GPM6A: variants seen among roughly 807,000 people sequenced by gnomAD.
The protein encoded by GPM6A is glycoprotein M6A.
A neutral mutation model predicts 32.1 loss-of-function variants in GPM6A; 7 were observed. The observed-to-expected ratio is 0.22, with a 90% CI of 0.12 to 0.41. The LOEUF is 0.41. GPM6A is among the 10% of genes least tolerant of loss of function. The pLI is 1.00. For missense variants in GPM6A, 235 were observed against 347.2 expected (o/e 0.68, Z 2.57); for synonymous variants, 130 against 123.4 (o/e 1.05, Z -0.35).
intron 1 of GPM6A, among the ~76,000 whole-genome samples, chr4:175,817,645 A>G (rs78005134): frequency 7.8e-6 from 1 of 129,006 alleles, no homozygotes; most frequent in South Asian, 2.7e-4. Context: ...ATTAGATGGG[A>G]AAAAAGGGGG....
intron 1 of GPM6A, among the ~76,000 whole-genome samples, chr4:175,734,570 A>T (rs1457109987): frequency 6.6e-6 from 1 of 151,690 alleles, no homozygotes; most frequent in Non-Finnish European, 1.5e-5. Context: ...TACTTTTTAA[A>T]AAAAAAAAAT....
At chr4:175,863,761 G>C (rs1328432718) in intron 1 of GPM6A, among the ~76,000 whole-genome samples, 1 of 152,084 alleles carries the variant, frequency 6.6e-6, no homozygotes, top group Non-Finnish European at 1.5e-5. Context: ...CAATACTTTG[G>C]GATGCCGAGG....
chr4:175,747,617 T>C (rs1178832032), intron 1 of GPM6A, among the ~76,000 whole-genome samples: 3 of 152,198 alleles, frequency 2.0e-5, no homozygotes, highest in Non-Finnish European at 4.4e-5. Context: ...GTATATACTT[T>C]AATTTAAAAA....
intron 1 of GPM6A, among the ~76,000 whole-genome samples, chr4:175,765,904 C>T (rs1203948390): frequency 6.6e-6 from 1 of 152,150 alleles, no homozygotes; most frequent in Non-Finnish European, 1.5e-5. Context: ...ACACACCTAA[C>T]CATTCTCCGT....
At position 175,938,737 on chromosome 4, in the gene GPM6A, C is replaced by CA. The variant is rs3034711; in HGVS notation, c.-23+63571dup. 2.2e-3 allele frequency among the ~76,000 whole-genome samples: 297 copies of CA among 133,970 alleles called. 2 individuals are homozygous for CA. The highest frequency in any genetic ancestry group is 7.3e-3 in the Middle Eastern group (2 of 274). The allele number at this position is 133,970 out of a possible 152,430, so 87.9% of individuals were successfully genotyped here. A position where few individuals can be genotyped will look rare whatever the true frequency, so the allele number is the denominator to read the frequency against. ...AATAAAAATTTTTTTAAAGTAAAAC[C>CA]AAAAAAAAAAAAGAAATGACAAATA... On this transcript the variant is annotated intron_variant, in intron 1 of 7. Coordinates refer to the GPM6A transcript ENST00000280187.
intron 1 of GPM6A, among the ~76,000 whole-genome samples, chr4:175,859,604 A>C (rs913328258): frequency 7.2e-5 from 11 of 152,186 alleles, no homozygotes; most frequent in African/African-American, 2.7e-4. Flanking sequence ...ATGCTACAGA[A>C]GCAAGAGCCA....
chr4:175,887,321 C>T (rs534024242), intron 1 of GPM6A, among the ~76,000 whole-genome samples: 10 of 151,822 alleles, frequency 6.6e-5, no homozygotes, highest in East Asian at 1.9e-4. Context: ...TTCTAAATCA[C>T]GTGTGGGTTA....
chr4:175,703,581 T>C (rs1744999187), intron 1 of GPM6A, among the ~76,000 whole-genome samples: 3 of 152,244 alleles, frequency 2.0e-5, no homozygotes, highest in Admixed American at 1.3e-4. Context: ...CTTTTACTTA[T>C]TAAAACACAG....
At chr4:175,767,783 A>C (rs1733031582) in intron 1 of GPM6A, among the ~76,000 whole-genome samples, 1 of 152,240 alleles carries the variant, frequency 6.6e-6, no homozygotes. Flanking sequence ...ATTGTCACCC[A>C]TGAATTCAGA....
At chr4:175,721,038 T>TATTATATTATATATGTACTAGTAC (rs1746092613) in intron 1 of GPM6A, among the ~76,000 whole-genome samples, 1 of 126,392 alleles carries the variant, frequency 7.9e-6, no homozygotes, top group East Asian at 2.2e-4. Context: ...AGTACATATA[T>TATTATATTATATATGTACTAGTAC]ATTATATATA....
chr4:175,934,075 C>T lies in GPM6A; in HGVS notation c.-23+68234G>A, dbSNP rs550336978. On this transcript the variant is annotated intron_variant, in intron 1 of 7. Transcript: ENST00000280187. ...ATATTAAATTCTACAGCAGGCAAAA[C>T]CAATCTGTAGTTGAGGGTTGGGGTG... Among the ~76,000 whole-genome samples, 148 of 152,248 alleles carry T rather than the reference C, an allele frequency of 9.7e-4. 3 individuals carry two copies. In the South Asian group the frequency reaches 0.03, roughly 31 times the overall value.
intron 1 of GPM6A, among the ~76,000 whole-genome samples, chr4:175,909,805 G>A (rs1174650187): frequency 6.6e-6 from 1 of 151,972 alleles, no homozygotes; most frequent in Non-Finnish European, 1.5e-5. Flanking sequence ...GAACAAAACA[G>A]GTTAAACAAC....
At chr4:175,831,092 T>C (rs1735597800) in intron 1 of GPM6A, among the ~76,000 whole-genome samples, 1 of 152,230 alleles carries the variant, frequency 6.6e-6, no homozygotes, top group South Asian at 2.1e-4. Flanking sequence ...ACTTGTCCTT[T>C]TATTGTCAAC....
intron 1 of GPM6A, among the ~76,000 whole-genome samples, chr4:175,864,315 T>C (rs924314880): frequency 2.6e-5 from 4 of 152,040 alleles, no homozygotes; most frequent in Admixed American, 2.0e-4. Flanking sequence ...TACAGGAGCA[T>C]GTCACCATGC....
intron 1 of GPM6A, among the ~76,000 whole-genome samples, chr4:175,742,392 G>T (rs1352853205): frequency 6.6e-6 from 1 of 152,116 alleles, no homozygotes; most frequent in Non-Finnish European, 1.5e-5. Flanking sequence ...ATAAGACTGA[G>T]ATGCCACATA....
At chr4:175,737,893 G>A (rs1411001770) in intron 1 of GPM6A, among the ~76,000 whole-genome samples, 3 of 151,406 alleles carry the variant, frequency 2.0e-5, no homozygotes, top group African/African-American at 7.3e-5. Flanking sequence ...TCATGGGGAT[G>A]CACTTCCATG....
chr4:175,950,382 T>C (rs966329035), intron 1 of GPM6A, among the ~76,000 whole-genome samples: 3 of 152,176 alleles, frequency 2.0e-5, no homozygotes, highest in African/African-American at 7.2e-5. Flanking sequence ...AGACAAGACA[T>C]TCCAAGCACA....
At chr4:175,794,056 G>T (rs148852784) in intron 1 of GPM6A, among the ~76,000 whole-genome samples, 3 of 151,996 alleles carry the variant, frequency 2.0e-5, no homozygotes, top group African/African-American at 7.2e-5. Flanking sequence ...TGCATCTTTG[G>T]AAACCATTTT....
At chr4:175,844,481 T>G (rs1277275491) in intron 1 of GPM6A, among the ~76,000 whole-genome samples, 1 of 152,202 alleles carries the variant, frequency 6.6e-6, no homozygotes, top group African/African-American at 2.4e-5. Context: ...CTAGGTCTTC[T>G]TTTGATTTTG....
Sources: gnomAD v4.1 joint callset for allele counts (sites outside exome capture counted in the v4.1 genomes callset) on GRCh38, gnomAD v4.1.1 for gene constraint, MANE v1.5 for transcripts, NCBI Gene and HGNC (gene_info 2026-07-23, HGNC 2026-07-21) for gene names.